PPP2R2C: variants seen among roughly 807,000 people sequenced by gnomAD.
The protein encoded by PPP2R2C is protein phosphatase 2, regulatory subunit B, gamma.
In PPP2R2C, 10 loss-of-function variants were observed where a neutral mutation model predicts 45.3. That is an observed-to-expected ratio of 0.22 (90% CI 0.14 to 0.37). PPP2R2C has a LOEUF of 0.37. Ranked by LOEUF, PPP2R2C falls within the 10% of genes least tolerant of loss-of-function variation. The pLI is 1.00. For missense variants in PPP2R2C, 308 were observed against 619.7 expected (o/e 0.50, Z 5.34); for synonymous variants, 257 against 245.4 (o/e 1.05, Z -0.44).
At position 6,449,227 on chromosome 4, in the gene PPP2R2C, C is replaced by T. The variant is rs114004895; in HGVS notation, c.70+22933G>A. On this transcript the variant is annotated intron_variant, in intron 1 of 8. Transcript: ENST00000382599. ...TGTGAATTCGCAGCACCGTGCGAAACGGGAAAAAAACAAAACTAGACACAA... is the reference window on the plus strand; with the variant it reads ...TGTGAATTCGCAGCACCGTGCGAAATGGGAAAAAAACAAAACTAGACACAA... Among the ~76,000 whole-genome samples, 866 of 152,170 alleles carry T rather than the reference C, an allele frequency of 5.7e-3. 3 individuals are homozygous for T. Among genetic ancestry groups the T allele is most frequent in the African/African-American group, 0.02 (813 of 41,490 alleles).
rs984304902 is a variant in PPP2R2C at position 6,364,163 on chromosome 4, G to A, written c.625+8360C>T. Among the ~76,000 whole-genome samples, 8 of 152,188 alleles carry A rather than the reference G, an allele frequency of 5.3e-5. No homozygotes were observed. Among genetic ancestry groups the A allele is most frequent in the African/African-American group, 1.9e-4 (8 of 41,430 alleles). ...GGCTCGAGGGAGTCATGGAGGGGAT[G>A]GACTAGTTCCGACAGACTGGTCAAG... On this transcript the variant is annotated intron_variant, in intron 5 of 8. Transcript: ENST00000382599. This position sits in a 1 kb window ranked among gnomAD's most constrained non-coding sequence, Gnocchi z 5.3.
At chr4:6,515,827 C>T (rs968707788) in intron 2 of PPP2R2C, among the ~76,000 whole-genome samples, 19 of 152,164 alleles carry the variant, frequency 1.2e-4, no homozygotes, top group Admixed American at 6.5e-4. Flanking sequence ...TCGAGGTGTC[C>T]GGCAGAGCCA....
intron 1 of PPP2R2C, among the ~76,000 whole-genome samples, chr4:6,418,800 G>A (rs1246372818): frequency 1.3e-5 from 2 of 152,226 alleles, no homozygotes; most frequent in Non-Finnish European, 2.9e-5. Flanking sequence ...GGTCAGAGAG[G>A]CTTCCAGAAA....
At chr4:6,398,577 C>T (rs1013025876) in intron 1 of PPP2R2C, among the ~76,000 whole-genome samples, 10 of 151,942 alleles carry the variant, frequency 6.6e-5, no homozygotes, top group African/African-American at 1.9e-4. Context: ...ATCAGAGTGG[C>T]GAACATTAAA....
intron 6 of PPP2R2C, among the ~76,000 whole-genome samples, chr4:6,338,950 C>G (rs1407942699): frequency 6.6e-6 from 1 of 152,226 alleles, no homozygotes; most frequent in Non-Finnish European, 1.5e-5. Context: ...GAGGTCATGC[C>G]TGGAGGCGAT....
chr4:6,424,636 T>TA (rs1719185964), intron 1 of PPP2R2C, among the ~76,000 whole-genome samples: 1 of 152,142 alleles, frequency 6.6e-6, no homozygotes, highest in Non-Finnish European at 1.5e-5. Flanking sequence ...CAGAGGCGGC[T>TA]GTGGTGTGCC....
At position 6,516,381 on chromosome 4, in the gene PPP2R2C, C is replaced by T. The variant is rs141333757; in HGVS notation, c.49+18890G>A. 2.2e-3 allele frequency among the ~76,000 whole-genome samples: 331 copies of T among 152,364 alleles called. 1 individual carries two copies. Among genetic ancestry groups the T allele is most frequent in the Non-Finnish European group, 3.6e-3 (243 of 68,030 alleles). On this transcript the variant is annotated intron_variant, in intron 2 of 9. Coordinates refer to the PPP2R2C transcript ENST00000506140. ...TTCCTGCCCGTTGCCTCGTCTTACC[C>T]GCAGTGCTGCTTTGCAAGGTGAGGA...
chr4:6,341,970 C>T (rs956203768), intron 6 of PPP2R2C, among the ~76,000 whole-genome samples: 1 of 151,966 alleles, frequency 6.6e-6, no homozygotes, highest in Non-Finnish European at 1.5e-5. Context: ...ATGAGAAGTG[C>T]GTATACAGTT....
At chr4:6,527,777 C>T (rs1724265852) in intron 2 of PPP2R2C, among the ~76,000 whole-genome samples, 1 of 152,104 alleles carries the variant, frequency 6.6e-6, no homozygotes. Context: ...ACAGGCCCCA[C>T]CACCTCAGCC....
intron 1 of PPP2R2C, among the ~76,000 whole-genome samples, chr4:6,432,348 G>A (rs868704612): frequency 3.2e-4 from 48 of 152,164 alleles, no homozygotes; most frequent in Non-Finnish European, 5.4e-4. Context: ...AAGGCCCCTC[G>A]ACTGATTCAG....
In PPP2R2C at chr4:6,498,051, C is replaced by T. The variant is rs868789802; in HGVS notation, c.49+37220G>A. On this transcript the variant is annotated intron_variant, in intron 2 of 9. Coordinates refer to the PPP2R2C transcript ENST00000506140. ...AGTAAAGCTGACGTGCACACCCAAA[C>T]CCCAGCAATTTCTCTCCAGTAAACA... Among the ~76,000 whole-genome samples the T allele has an allele frequency of 3.3e-5, 5 of 152,220 alleles. No individual in the cohort carries two copies. The South Asian group carries it at 8.3e-4, about 25-fold the overall frequency.
chr4:6,372,554 G>C lies in PPP2R2C; in HGVS notation c.594C>G (p.Leu198=). 1 of 1,614,236 alleles carries C rather than the reference G, an allele frequency of 6.2e-7. No homozygotes were observed. The change falls in exon 5 of 9, where the codon CTC becomes CTG. Residue 198 remains leucine (L), a synonymous_variant. Coordinates refer to ENST00000382599, the MANE Select transcript of PPP2R2C (RefSeq NM_020416.4). The part of the protein sequence containing the change: ...YMSADDLRIN[L]WHLAITDRSF... ...TCCTGTCGGTGATGGCCAGGTGCCA[G>C]AGGTTGATGCGCAGGTCATCCGCCG...
At chr4:6,449,200 G>A (rs1348521198) in intron 1 of PPP2R2C, among the ~76,000 whole-genome samples, 1 of 152,196 alleles carries the variant, frequency 6.6e-6, no homozygotes, top group Non-Finnish European at 1.5e-5. Context: ...CACTGGCACA[G>A]CTGTGAATTC....
chr4:6,351,211 G>A (rs373793299), intron 5 of PPP2R2C: 85 of 462,938 alleles, frequency 1.8e-4, no homozygotes, highest in African/African-American at 1.8e-3. Context: ...CTACTTGGGA[G>A]GCTGAGGCAG....
Position 6,326,594 on chromosome 4 carries a change from C to T in PPP2R2C, c.1052+2668G>A, listed in dbSNP as rs936059182. 3.5e-4 allele frequency among the ~76,000 whole-genome samples: 53 copies of T among 152,184 alleles called. 2 individuals are homozygous for T. The highest frequency in any genetic ancestry group is 1.8e-3 in the Admixed American group (28 of 15,286). On this transcript the variant is annotated intron_variant, in intron 8 of 8. Coordinates refer to ENST00000382599, the MANE Select transcript of PPP2R2C (RefSeq NM_020416.4). Reference sequence around the variant, plus strand: ...GATCACTGCGGCACCCCTGCGCATACGAACTGGGATCTTGCTGAAGGCATC... The same window carrying T: ...GATCACTGCGGCACCCCTGCGCATATGAACTGGGATCTTGCTGAAGGCATC...
At chr4:6,478,275 C>T (rs1286791077) in intron 2 of PPP2R2C, among the ~76,000 whole-genome samples, 2 of 152,268 alleles carry the variant, frequency 1.3e-5, no homozygotes, top group African/African-American at 4.8e-5. Context: ...ACACATCCTG[C>T]TTCTCGCCTC....
chr4:6,445,103 C>T (rs573685157), intron 1 of PPP2R2C, among the ~76,000 whole-genome samples: 138 of 152,130 alleles, frequency 9.1e-4, no homozygotes, highest in African/African-American at 3.0e-3. Flanking sequence ...GCAGGAGGAC[C>T]GCTTGAGCCT....
At chr4:6,558,474 T>C (rs1725484846) in intron 1 of PPP2R2C, among the ~76,000 whole-genome samples, 1 of 152,168 alleles carries the variant, frequency 6.6e-6, no homozygotes, top group Non-Finnish European at 1.5e-5. Context: ...ACCTGCCACC[T>C]CTGGCTGCCT....
chr4:6,485,001 G>A (rs990151153), intron 2 of PPP2R2C, among the ~76,000 whole-genome samples: 1 of 151,680 alleles, frequency 6.6e-6, no homozygotes, highest in Admixed American at 6.6e-5. Flanking sequence ...CCAGTCTTAG[G>A]GAGAAAGCAT....
Sources: gnomAD v4.1 joint callset for allele counts (sites outside exome capture counted in the v4.1 genomes callset) on GRCh38, gnomAD v4.1.1 for gene constraint, Gnocchi (gnomAD v3.1) non-coding constraint, MANE v1.5 for transcripts, NCBI Gene and HGNC (gene_info 2026-07-23, HGNC 2026-07-21) for gene names.